Variants in ATP8A1 observed in about 807,000 individuals in gnomAD.
ATP8A1 encodes the protein phospholipid-transporting ATPase IA.
Under a neutral mutation model 177.7 loss-of-function variants are expected in ATP8A1, and 90 were observed. The ratio of observed to expected loss-of-function variants is 0.51; its 90% CI spans 0.43 to 0.60. ATP8A1 has a LOEUF of 0.60. Ranked by LOEUF, ATP8A1 falls within the 20% of genes least tolerant of loss-of-function variation. ATP8A1 has a pLI of 0.00. For synonymous variants in ATP8A1, 493 were observed against 485.9 expected (o/e 1.01, Z -0.19); for missense variants, 1,072 against 1,392.8 (o/e 0.77, Z 3.67).
At chr4:42,415,605 T>C (rs1013931989) in intron 35 of ATP8A1, among the ~76,000 whole-genome samples, 1 of 152,198 alleles carries the variant, frequency 6.6e-6, no homozygotes, top group Non-Finnish European at 1.5e-5. Context: ...GTTTTGATAT[T>C]AAAGAACATA....
intron 33 of ATP8A1, among the ~76,000 whole-genome samples, chr4:42,439,652 G>T (rs1560325222): frequency 6.6e-6 from 1 of 152,214 alleles, no homozygotes; most frequent in Non-Finnish European, 1.5e-5. Flanking sequence ...GTGGAAGAAG[G>T]ACTGAGGAAG....
At chr4:42,630,852 C>G (rs1435979246) in intron 1 of ATP8A1, among the ~76,000 whole-genome samples, 1 of 152,168 alleles carries the variant, frequency 6.6e-6, no homozygotes, top group Non-Finnish European at 1.5e-5. Context: ...TAGATAGTTA[C>G]TTACTTTCAC....
chr4:42,594,406 T>G (rs746688517), intron 6 of ATP8A1: 39 of 1,085,668 alleles, frequency 3.6e-5, no homozygotes, highest in Non-Finnish European at 5.4e-5. Flanking sequence ...CATTGAAAGA[T>G]AGTTACAAAT....
At chr4:42,472,945 T>G (rs749220293) in intron 25 of ATP8A1, among the ~76,000 whole-genome samples, 2 of 152,042 alleles carry the variant, frequency 1.3e-5, no homozygotes, top group Non-Finnish European at 2.9e-5. Context: ...AGGTTTCAAA[T>G]TTGGGTTACT....
chr4:42,466,873 G>GTTGA (rs1560356595), intron 25 of ATP8A1, among the ~76,000 whole-genome samples: 1 of 152,204 alleles, frequency 6.6e-6, no homozygotes, highest in East Asian at 1.9e-4. Flanking sequence ...CTGGACTATA[G>GTTGA]TTGACATTTA....
At chr4:42,636,538 G>T (rs1353765935) in intron 1 of ATP8A1, among the ~76,000 whole-genome samples, 3 of 152,108 alleles carry the variant, frequency 2.0e-5, no homozygotes, top group South Asian at 4.1e-4. Context: ...ACCCTTAAAA[G>T]CATGGAAATT....
At chr4:42,644,579 A>G (rs1187938904) in intron 1 of ATP8A1, among the ~76,000 whole-genome samples, 4 of 152,222 alleles carry the variant, frequency 2.6e-5, no homozygotes, top group Admixed American at 1.3e-4. Flanking sequence ...AGCAATCACG[A>G]ATGCTGGACA....
At chr4:42,414,906 G>A (rs1436922971) in intron 35 of ATP8A1, 188 bp from the exon 36 acceptor site, 1 of 564,730 alleles carries the variant, frequency 1.8e-6, no homozygotes, top group Non-Finnish European at 3.2e-6. Flanking sequence ...AGACTTTTGA[G>A]GCCATTTTCT....
intron 28 of ATP8A1, 25 bp from the exon 29 acceptor site, chr4:42,455,444 T>A: frequency 6.2e-7 from 1 of 1,613,768 alleles, no homozygotes; most frequent in Non-Finnish European, 8.5e-7. Context: ...CTGGTCATTA[T>A]GTCAAGCAGC....
At position 42,555,139 on chromosome 4, in the gene ATP8A1, A is replaced by ATCTAATCAATCTATCT. The variant is rs1553903246; in HGVS notation, c.1413+828_1413+829insAGATAGATTGATTAGA. Among the ~76,000 whole-genome samples the ATCTAATCAATCTATCT allele has an allele frequency of 1.5e-4, 9 of 59,558 alleles. No homozygotes were observed. In the East Asian group the frequency reaches 3.4e-3, roughly 23 times the overall value. 39.1% of individuals were successfully genotyped at this position (59,558 alleles called of 152,430 possible). ...TATCTATCTATCTATCTATCTATCT[A>ATCTAATCAATCTATCT]ATCTATCTATCTATCTATCTATCTA... On this transcript the variant is annotated intron_variant, in intron 16 of 36. Coordinates refer to ENST00000381668, the MANE Select transcript of ATP8A1 (RefSeq NM_006095.2).
chr4:42,653,625 A>G (rs373250886), intron 1 of ATP8A1, among the ~76,000 whole-genome samples: 33 of 152,346 alleles, frequency 2.2e-4, no homozygotes, highest in African/African-American at 7.5e-4. Context: ...TAACTAAGTT[A>G]CTACTTTTAG....
At chr4:42,648,941 T>C (rs906300201) in intron 1 of ATP8A1, among the ~76,000 whole-genome samples, 1 of 152,184 alleles carries the variant, frequency 6.6e-6, no homozygotes, top group Non-Finnish European at 1.5e-5. Flanking sequence ...ACAGGCACTC[T>C]CATTCACTTT....
chr4:42,607,165 A>G (rs540392556), intron 5 of ATP8A1, among the ~76,000 whole-genome samples: 3 of 152,356 alleles, frequency 2.0e-5, no homozygotes, highest in Admixed American at 1.3e-4. Flanking sequence ...TAGGCTCCCT[A>G]GAAATGAGGA....
intron 22 of ATP8A1, 90 bp from the exon 23 acceptor site, chr4:42,507,244 G>C: frequency 7.8e-7 from 1 of 1,284,106 alleles, no homozygotes; most frequent in Non-Finnish European, 1.1e-6. Context: ...TTTAAAATCA[G>C]AGACTAAATG....
rs1003156719 is a variant in ATP8A1 at position 42,635,808 on chromosome 4, T to C, written c.50-8699A>G. Among the ~76,000 whole-genome samples the C allele has an allele frequency of 4.4e-5, 5 of 113,962 alleles. 1 individual carries two copies. Among genetic ancestry groups the C allele is most frequent in the African/African-American group, 1.6e-4 (4 of 24,590 alleles). The allele number at this position is 113,962 out of a possible 152,430, so 74.8% of individuals were successfully genotyped here. A position where few individuals can be genotyped will look rare whatever the true frequency, so the allele number is the denominator to read the frequency against. On this transcript the variant is annotated intron_variant, in intron 1 of 36. Transcript: ENST00000381668. The stretch of plus-strand genomic sequence containing the variant: ...ATATATATATATATATATATATATA[T>C]ATACACATGTATGTATGTATGTAAG...
chr4:42,530,392 C>T lies in ATP8A1; in HGVS notation c.1723-5545G>A, dbSNP rs112825948. Among the ~76,000 whole-genome samples, 983 of 152,358 alleles carry T rather than the reference C, an allele frequency of 6.5e-3. 9 individuals are homozygous for T. Among genetic ancestry groups the T allele is most frequent in the African/African-American group, 0.022 (934 of 41,596 alleles). On this transcript the variant is annotated intron_variant, in intron 20 of 36. Coordinates refer to ENST00000381668, the MANE Select transcript of ATP8A1 (RefSeq NM_006095.2). ...TTATCCTCACTGGAACAGACACTTA[C>T]TCTGGATATGGGTTTGCCTATCCTG...
chr4:42,635,812 C>CATATATATAT lies in ATP8A1; in HGVS notation c.50-8704_50-8703insATATATATAT, dbSNP rs1324939916. 4.2e-4 allele frequency among the ~76,000 whole-genome samples: 29 copies of CATATATATAT among 69,172 alleles called. 1 individual carries two copies. The highest frequency in any genetic ancestry group is 2.1e-3 in the East Asian group (7 of 3,326). The allele number at this position is 69,172 out of a possible 152,430, so 45.4% of individuals were successfully genotyped here. A position where few individuals can be genotyped will look rare whatever the true frequency, so the allele number is the denominator to read the frequency against. On this transcript the variant is annotated intron_variant, in intron 1 of 36. Coordinates refer to ENST00000381668, the MANE Select transcript of ATP8A1 (RefSeq NM_006095.2). ...ATATATATATATATATATATATATA[C>CATATATATAT]ACATGTATGTATGTATGTAAGCTTC...
chr4:42,568,493 C>T (rs1560468945), intron 15 of ATP8A1, among the ~76,000 whole-genome samples: 1 of 152,114 alleles, frequency 6.6e-6, no homozygotes, highest in Non-Finnish European at 1.5e-5. Context: ...AATAAATCTG[C>T]ACTATCCAAG....
chr4:42,464,677 A>G lies in ATP8A1; in HGVS notation c.2619+13T>C, dbSNP rs1489329593. 2 of 1,446,488 alleles carry G rather than the reference A, an allele frequency of 1.4e-6. No homozygotes were observed. Among genetic ancestry groups the G allele is most frequent in the Non-Finnish European group, 1.9e-6 (2 of 1,060,940 alleles). 89.6% of individuals were successfully genotyped at this position (1,446,488 alleles called of 1,614,324 possible). On this transcript the variant is annotated intron_variant, in intron 27 of 36. Coordinates refer to ENST00000381668, the MANE Select transcript of ATP8A1 (RefSeq NM_006095.2). ...TGCAAATGACAAGGATTTAAAATTTAACCTGCTATTACCTCGATAATATAG... is the reference window on the plus strand; with the variant it reads ...TGCAAATGACAAGGATTTAAAATTTGACCTGCTATTACCTCGATAATATAG...
Sources: gnomAD v4.1 joint callset for allele counts (sites outside exome capture counted in the v4.1 genomes callset) on GRCh38, gnomAD v4.1.1 for gene constraint, MANE v1.5 for transcripts, NCBI Gene and HGNC (gene_info 2026-07-23, HGNC 2026-07-21) for gene names.